Variants in EFHB observed in about 807,000 individuals in gnomAD.
EFHB encodes the protein EF-hand domain-containing family member B.
EFHB carries 91 observed loss-of-function variants against 87.2 expected under a neutral mutation model. That is an observed-to-expected ratio of 1.04 (90% CI 0.88 to 1.24). The LOEUF (loss-of-function observed/expected upper bound fraction) is 1.24. EFHB is among the 50% of genes most tolerant of loss of function. The pLI, the probability that EFHB is intolerant of heterozygous loss-of-function variation, is 0.00. For missense variants in EFHB, 1,084 were observed against 998.8 expected (o/e 1.09, Z -1.15); for synonymous variants, 325 against 333.6 (o/e 0.97, Z 0.28).
At chr3:19,914,214 C>T (rs1695151735) in intron 5 of EFHB, among the ~76,000 whole-genome samples, 1 of 152,150 alleles carries the variant, frequency 6.6e-6, no homozygotes, top group African/African-American at 2.4e-5. Flanking sequence ...CAAGAGTGAG[C>T]CACCGCACCC....
At chr3:19,914,141 TCTCA>T (rs1256462565) in intron 5 of EFHB, among the ~76,000 whole-genome samples, 2 of 152,168 alleles carry the variant, frequency 1.3e-5, no homozygotes, top group Non-Finnish European at 2.9e-5. Flanking sequence ...AGATAGAGAT[TCTCA>T]CTATGTTGCC....
At chr3:19,923,084 G>A (rs569081848) in intron 1 of EFHB, among the ~76,000 whole-genome samples, 1 of 152,134 alleles carries the variant, frequency 6.6e-6, no homozygotes, top group East Asian at 1.9e-4. Context: ...TGACCAACAT[G>A]ATGAAACCCC....
At position 19,882,571 on chromosome 3, in the gene EFHB, G is replaced by A. The variant is rs1036043598; in HGVS notation, c.2307C>T (p.Phe769=). 6.2e-7 allele frequency: 1 copy of A among 1,607,498 alleles called. No individual in the cohort carries two copies. Among genetic ancestry groups the A allele is most frequent in the East Asian group, 2.2e-5 (1 of 44,836 alleles). The change falls in exon 12 of 13, where the codon TTC becomes TTT. Residue 769 remains phenylalanine, a synonymous_variant. Coordinates refer to ENST00000295824, the MANE Select transcript of EFHB (RefSeq NM_144715.4). ...ARKGVFERDF[F]KTRSKEEIAE... Reference sequence around the variant, plus strand: ...ATACCTCTTCTTTTGATCTGGTCTTGAAGAAGTCTCTTTCAAACACTCCTT... The same window carrying A: ...ATACCTCTTCTTTTGATCTGGTCTTAAAGAAGTCTCTTTCAAACACTCCTT...
rs1466523166 is a variant in EFHB at position 19,906,954 on chromosome 3, G to T, written c.1289-1205C>A. ...TTCAACAAGGGCAGCAAGAAGAAATGACGACACAAGGATAGTCTCTTCAAT... is the reference window on the plus strand; with the variant it reads ...TTCAACAAGGGCAGCAAGAAGAAATTACGACACAAGGATAGTCTCTTCAAT... On this transcript the variant is annotated intron_variant, in intron 5 of 12. Coordinates refer to ENST00000295824, the MANE Select transcript of EFHB (RefSeq NM_144715.4). Among the ~76,000 whole-genome samples, 5 of 151,910 alleles carry T rather than the reference G, an allele frequency of 3.3e-5. No individual in the cohort carries two copies. The East Asian group carries it at 9.7e-4, about 29-fold the overall frequency.
rs748355747 is a variant in EFHB, at chr3:19,933,514, G to A, written c.505C>T (p.Gln169Ter). 3.7e-6 allele frequency: 6 copies of A among 1,613,908 alleles called. No individual in the cohort carries two copies. Among genetic ancestry groups the A allele is most frequent in the Non-Finnish European group, 3.4e-6 (4 of 1,179,862 alleles). Residue 169 changes from glutamine to a stop codon, truncating the protein, a stop_gained, in exon 1 of 13, where the codon CAG (glutamine) becomes TAG (stop). Transcript: ENST00000295824. LOFTEE classifies it high-confidence loss of function. ...CAGGTAGACTCTTTTTCCATTTCCTGTCTTGGTTCCATAACGAAAGCAGGC... is the reference window on the plus strand; with the variant it reads ...CAGGTAGACTCTTTTTCCATTTCCTATCTTGGTTCCATAACGAAAGCAGGC... ...GKPAFVMEPR[Q>*]EMEKESTCVL...
At chr3:19,922,647 A>G (rs191345543) in intron 1 of EFHB, among the ~76,000 whole-genome samples, 5 of 152,332 alleles carry the variant, frequency 3.3e-5, no homozygotes, top group African/African-American at 1.2e-4. Flanking sequence ...GCAGTAGCGC[A>G]TCATGAATAT....
rs571327341 is a variant in EFHB, at chr3:19,894,085, A to T, written c.1725+2602T>A. On this transcript the variant is annotated intron_variant, in intron 9 of 12. Transcript: ENST00000295824. ...ACATCTGTCATGAATTACATAGTCT[A>T]TGATAGCTAGGAGCAAAAATCCCTG... 2.6e-5 allele frequency among the ~76,000 whole-genome samples: 4 copies of T among 152,358 alleles called. No homozygotes were observed. In the East Asian group the frequency reaches 7.7e-4, roughly 29 times the overall value.
intron 1 of EFHB, chr3:19,941,063 CA>C: frequency 2.8e-6 from 1 of 359,790 alleles, no homozygotes; most frequent in Admixed American, 3.5e-5. Context: ...TGGACAGCTG[CA>C]CCATAAGCAA....
intron 1 of EFHB, among the ~76,000 whole-genome samples, chr3:19,924,552 C>T (rs895744016): frequency 6.6e-6 from 1 of 152,160 alleles, no homozygotes; most frequent in Non-Finnish European, 1.5e-5. Context: ...ATTTACATCC[C>T]TATGTACTCG....
chr3:19,945,275 T>A (rs1696245344), intron 1 of EFHB, among the ~76,000 whole-genome samples: 1 of 152,084 alleles, frequency 6.6e-6, no homozygotes, highest in Non-Finnish European at 1.5e-5. Flanking sequence ...TGAAAGAAAC[T>A]TGGGTTGGGA....
intron 1 of EFHB, among the ~76,000 whole-genome samples, chr3:19,928,474 C>T (rs1265082255): frequency 6.6e-6 from 1 of 152,170 alleles, no homozygotes; most frequent in Non-Finnish European, 1.5e-5. Flanking sequence ...TTGTTTGAGG[C>T]GGAGTCTCGC....
chr3:19,916,503 A>G (rs1695237480), intron 4 of EFHB, among the ~76,000 whole-genome samples: 1 of 152,060 alleles, frequency 6.6e-6, no homozygotes, highest in Admixed American at 6.6e-5. Flanking sequence ...CAACAGAGTG[A>G]GACTCCGTCT....
At chr3:19,902,458 G>A (rs762309914) in intron 6 of EFHB, among the ~76,000 whole-genome samples, 2 of 152,030 alleles carry the variant, frequency 1.3e-5, no homozygotes, top group African/African-American at 2.4e-5. Context: ...GGGTTCAAGC[G>A]ATTCTCCTGC....
intron 9 of EFHB, among the ~76,000 whole-genome samples, chr3:19,889,988 A>T (rs927166822): frequency 6.6e-6 from 1 of 152,224 alleles, no homozygotes; most frequent in Non-Finnish European, 1.5e-5. Context: ...ATTCCATCTC[A>T]AAAACAAACA....
At chr3:19,902,266 A>G (rs1694696453) in intron 6 of EFHB, among the ~76,000 whole-genome samples, 2 of 152,158 alleles carry the variant, frequency 1.3e-5, no homozygotes, top group Admixed American at 1.3e-4. Flanking sequence ...GATGACTCAA[A>G]CCAAAGTTTG....
At chr3:19,937,770 A>G (rs1696056789), upstream of EFHB, among the ~76,000 whole-genome samples, 1 of 152,080 alleles carries the variant, frequency 6.6e-6, no homozygotes. Flanking sequence ...CACACATACA[A>G]CAAACGCTTG....
intron 5 of EFHB, among the ~76,000 whole-genome samples, chr3:19,911,835 G>C (rs545511945): frequency 6.6e-6 from 1 of 152,238 alleles, no homozygotes; most frequent in East Asian, 1.9e-4. Context: ...GCCTTGCCAA[G>C]CATGGTGGCT....
chr3:19,933,866 A>C lies in EFHB; in HGVS notation c.153T>G (p.Asn51Lys). The C allele has an allele frequency of 6.2e-7, 1 of 1,613,788 alleles. No individual in the cohort carries two copies. The highest frequency in any genetic ancestry group is 8.5e-7 in the Non-Finnish European group (1 of 1,179,846). Residue 51 changes from asparagine to lysine, a missense_variant, in exon 1 of 13, where the codon AAT (asparagine) becomes AAG (lysine). Asn to Lys is a moderately conservative substitution (Grantham distance 94, BLOSUM62 0). Coordinates refer to ENST00000295824, the MANE Select transcript of EFHB (RefSeq NM_144715.4). ...SRCGESPVVS[N>K]KCEGRMAPPE... ...GTGGTGCCATCCTTCCCTCACACTT[A>C]TTACTAACCACAGGGCTCTCCCCGC...
chr3:19,934,170 C>T lies in EFHB; in HGVS notation c.-152G>A. ...CGGACTCCCTGTCCATTGCTTCCTG[C>T]CTGCCTCTTAACACCTAGCCGAGTT... On this transcript the variant is annotated 5_prime_UTR_variant, in exon 1 of 13. Transcript: ENST00000295824. 7 of 1,442,936 alleles carry T rather than the reference C, an allele frequency of 4.9e-6. No individual in the cohort carries two copies. Among genetic ancestry groups the T allele is most frequent in the Non-Finnish European group, 5.4e-6 (6 of 1,105,794 alleles). 89.4% of individuals were successfully genotyped at this position (1,442,936 alleles called of 1,614,324 possible).
Sources: allele counts gnomAD v4.1 joint callset (sites outside exome capture counted in the v4.1 genomes callset), GRCh38; gene constraint gnomAD v4.1.1; transcripts MANE v1.5; gene names NCBI Gene and HGNC (gene_info 2026-07-23, HGNC 2026-07-21).